MYO7A: variants seen among roughly 807,000 people sequenced by gnomAD.
The protein encoded by MYO7A is unconventional myosin-VIIa.
Under a neutral mutation model 263.8 loss-of-function variants are expected in MYO7A, and 210 were observed. The observed-to-expected ratio is 0.80, with a 90% CI of 0.71 to 0.89. MYO7A has a LOEUF of 0.89. MYO7A is among the 40% of genes least tolerant of loss of function. The pLI, the probability that MYO7A is intolerant of heterozygous loss-of-function variation, is 0.00. For missense variants in MYO7A, 2,820 were observed against 2,968.3 expected (o/e 0.95, Z 1.16); for synonymous variants, 1,239 against 1,197.3 (o/e 1.03, Z -0.72).
chr11:77,179,871 A>G lies in MYO7A; in HGVS notation c.2504A>G (p.His835Arg), dbSNP rs1555082861. Residue 835 changes from histidine to arginine, a missense_variant, in exon 21 of 49, where the codon CAC becomes CGC. His to Arg is a conservative substitution (Grantham distance 29, BLOSUM62 0). Coordinates refer to ENST00000409709, the MANE Select transcript of MYO7A (RefSeq NM_000260.4). ...RAYLVRKAFR[H>R]RLWAVLTVQA... Reference sequence around the variant, plus strand: ...TATCTGGTGCGCAAGGCCTTCCGCCACCGCCTCTGGGCTGTGCTCACCGTG... The same window carrying G: ...TATCTGGTGCGCAAGGCCTTCCGCCGCCGCCTCTGGGCTGTGCTCACCGTG... The G allele has an allele frequency of 1.3e-6, 2 of 1,540,984 alleles. No homozygotes were observed. The highest frequency in any genetic ancestry group is 3.9e-5 in the Admixed American group (2 of 50,996).
Position 77,208,482 on chromosome 11 carries a change from C to T in MYO7A, c.5909C>T (p.Thr1970Ile), listed in dbSNP as rs1224595771. The change falls in exon 43 of 49, where the codon ACA (threonine) becomes ATA (isoleucine). Residue 1970 changes from threonine (T) to isoleucine (I), a missense_variant. Thr to Ile is a moderately conservative substitution (Grantham distance 89). Coordinates refer to ENST00000409709, the MANE Select transcript of MYO7A (RefSeq NM_000260.4). ...TTCTTTGACTTTGTTCGACACTTGA[C>T]AGACTGGATAAAGAAAGCTCGGCCC... ...DFFFDFVRHLTDWIKKARPIK... is the reference protein window; with the variant it reads ...DFFFDFVRHLIDWIKKARPIK... 3.1e-6 allele frequency: 5 copies of T among 1,613,652 alleles called. No individual in the cohort carries two copies. The highest frequency in any genetic ancestry group is 1.1e-5 in the South Asian group (1 of 90,998).
chr11:77,183,994 C>G (rs1955463310), intron 26 of MYO7A, among the ~76,000 whole-genome samples: 1 of 152,116 alleles, frequency 6.6e-6, no homozygotes, highest in Admixed American at 6.5e-5. Context: ...CGAGGGTGTT[C>G]AGTGGTGCTC....
Position 77,172,754 on chromosome 11 carries a change from G to A in MYO7A, c.1804G>A (p.Glu602Lys), listed in dbSNP as rs2276282. 25 of 1,557,382 alleles carry A rather than the reference G, an allele frequency of 1.6e-5. No individual in the cohort carries two copies. Among genetic ancestry groups the A allele is most frequent in the East Asian group, 4.8e-5 (2 of 41,310 alleles). The change falls in exon 16 of 49, where the codon GAG becomes AAG. Residue 602 changes from glutamate (E) to lysine (K), a missense_variant. Glu to Lys is a moderately conservative substitution (Grantham distance 56). Coordinates refer to ENST00000409709, the MANE Select transcript of MYO7A (RefSeq NM_000260.4). The stretch of plus-strand genomic sequence containing the variant: ...CTGCCGTCCGTCCCCCCAGGGCGCC[G>A]AGACCAGGAAGCGCTCGCCCACACT... ...IFQADVAMGA[E>K]TRKRSPTLSS...
At chr11:77,201,685 CCT>C in intron 36 of MYO7A, 47 bp downstream of exon 36, 1 of 1,573,888 alleles carries the variant, frequency 6.4e-7, no homozygotes, top group South Asian at 1.1e-5. Flanking sequence ...CCATTAGACC[CCT>C]CTTTGTCCAC....
rs115215729 is a variant in MYO7A, at chr11:77,183,310, A to T, written c.3375+153A>T. 3.9e-3 allele frequency among the ~76,000 whole-genome samples: 589 copies of T among 151,968 alleles called. 3 individuals carry two copies. The highest frequency in any genetic ancestry group is 0.013 in the African/African-American group (546 of 41,502). On this transcript the variant is annotated intron_variant, in intron 26 of 48. Transcript: ENST00000409709. ...CTTGGCTGGCCAGGGACAGGACAAC[A>T]TGAGTGGGTTGGTGGGCGATCAGGC...
rs876657655 is a variant in MYO7A at position 77,211,162 on chromosome 11, A to G, written c.6062A>G (p.Lys2021Arg). The G allele has an allele frequency of 1.3e-6, 2 of 1,579,118 alleles. No homozygotes were observed. The highest frequency in any genetic ancestry group is 1.2e-5 in the South Asian group (1 of 85,876). Reference protein sequence around the residue: ...SIFHYYQELPKYLRGYHKCTR... With the variant: ...SIFHYYQELPRYLRGYHKCTR... ...CTCTGTCTCTGACAGGAGTTGCCCAAGTATCTCCGAGGCTACCACAAGTGC... is the reference window on the plus strand; with the variant it reads ...CTCTGTCTCTGACAGGAGTTGCCCAGGTATCTCCGAGGCTACCACAAGTGC... Residue 2021 changes from lysine to arginine, a missense_variant, in exon 45 of 49, where the codon AAG (lysine) becomes AGG (arginine). Physicochemically the swap from Lys to Arg is conservative, Grantham distance 26. Coordinates refer to ENST00000409709, the MANE Select transcript of MYO7A (RefSeq NM_000260.4).
At chr11:77,177,746 C>G (rs972351517) in intron 19 of MYO7A, 103 bp downstream of exon 19, 3 of 900,824 alleles carry the variant, frequency 3.3e-6, no homozygotes, top group East Asian at 5.3e-5. Context: ...AGGAAAAAAA[C>G]GTGTTCACCT....
chr11:77,177,551 C>A lies in MYO7A; in HGVS notation c.2190C>A (p.Asp730Glu). The change falls in exon 19 of 49, where the codon GAC becomes GAA. Residue 730 changes from aspartate (D) to glutamate (E), a missense_variant and splice_region_variant. Physicochemically the swap from Asp to Glu is conservative, Grantham distance 45 (BLOSUM62 2). Coordinates refer to ENST00000409709, the MANE Select transcript of MYO7A (RefSeq NM_000260.4). The stretch of plus-strand genomic sequence containing the variant: ...TGCTCAGGAGCTCTGCCTCCTAGGA[C>A]CACCATGACATGCTGCTGGAAGTGG... ...QIGKTKIFLK[D>E]HHDMLLEVER... 1.2e-6 allele frequency: 2 copies of A among 1,609,712 alleles called. No individual in the cohort carries two copies. Among genetic ancestry groups the A allele is most frequent in the Non-Finnish European group, 1.7e-6 (2 of 1,178,398 alleles).
intron 37 of MYO7A, 78 bp downstream of exon 37, chr11:77,202,502 G>A (rs1172871283): frequency 1.5e-5 from 22 of 1,503,256 alleles, no homozygotes; most frequent in Non-Finnish European, 1.9e-5. Flanking sequence ...CGTGTGCTGG[G>A]GCTGCTTTGT....
intron 29 of MYO7A, 41 bp downstream of exon 29, chr11:77,190,180 G>A (rs1195621170): frequency 2.9e-5 from 44 of 1,497,028 alleles, no homozygotes; most frequent in South Asian, 1.2e-4. Flanking sequence ...GCATGTGTGC[G>A]CACGTGTGTA....
At chr11:77,176,147 G>T (rs1443970066) in intron 18 of MYO7A, among the ~76,000 whole-genome samples, 1 of 152,210 alleles carries the variant, frequency 6.6e-6, no homozygotes, top group Non-Finnish European at 1.5e-5. Flanking sequence ...CTCTGGTGTG[G>T]GGGGTGGGGC....
intron 46 of MYO7A, chr11:77,212,219 G>A (rs777553210): frequency 2.3e-5 from 13 of 561,912 alleles, no homozygotes; most frequent in Admixed American, 1.5e-4. Flanking sequence ...GGGAGCCCTC[G>A]CCCAGGTGGC....
At chr11:77,152,868 G>A (rs782127735) in intron 4 of MYO7A, among the ~76,000 whole-genome samples, 10 of 152,128 alleles carry the variant, frequency 6.6e-5, no homozygotes, top group Non-Finnish European at 1.3e-4. Flanking sequence ...TTATCTGGAC[G>A]AAGGGGTAGG....
intron 34 of MYO7A, among the ~76,000 whole-genome samples, chr11:77,199,132 G>C (rs1239868731): frequency 1.3e-5 from 2 of 152,186 alleles, no homozygotes; most frequent in Non-Finnish European, 2.9e-5. Context: ...CAGTGTCTTT[G>C]GGTTGTGTCT....
intron 34 of MYO7A, 47 bp downstream of exon 34, chr11:77,198,668 G>C (rs1460391276): frequency 6.2e-7 from 1 of 1,610,382 alleles, no homozygotes; most frequent in South Asian, 1.1e-5. Context: ...GGGAAGGAGA[G>C]GGGCTGGAGC....
At chr11:77,198,400 T>G in intron 33 of MYO7A, 95 bp from the exon 34 acceptor site, 1 of 1,485,258 alleles carries the variant, frequency 6.7e-7, no homozygotes. Flanking sequence ...AAAATAGAAA[T>G]CAGTGTATTG....
intron 23 of MYO7A, 68 bp from the exon 24 acceptor site, chr11:77,181,883 C>T (rs1245001135): frequency 6.2e-5 from 91 of 1,461,806 alleles, no homozygotes; most frequent in Non-Finnish European, 8.4e-5. Flanking sequence ...CTTCTGGGCT[C>T]AGGCGATCCT....
chr11:77,181,380 G>C lies in MYO7A; in HGVS notation c.2695G>C (p.Glu899Gln). Residue 899 changes from glutamate to glutamine, a missense_variant and splice_region_variant, in exon 23 of 49, where the codon GAG becomes CAG. Glu to Gln is a conservative substitution (Grantham distance 29). Coordinates refer to ENST00000409709, the MANE Select transcript of MYO7A (RefSeq NM_000260.4). ...CTTCTGTGTCACCCCAATTGCCCAG[G>C]AGCGCCTGGCCCAGCTGGCTCGTGA... ...AKEEAERKHQ[E>Q]RLAQLAREDA... is the part of the protein sequence containing the mutation. The C allele has an allele frequency of 6.4e-7, 1 of 1,558,226 alleles. No individual in the cohort carries two copies. Among genetic ancestry groups the C allele is most frequent in the Non-Finnish European group, 8.7e-7 (1 of 1,152,740 alleles).
intron 17 of MYO7A, 124 bp downstream of exon 17, chr11:77,175,038 A>G (rs1591351390): frequency 7.8e-7 from 1 of 1,275,400 alleles, no homozygotes; most frequent in South Asian, 1.5e-5. Context: ...CAGGTGCAGC[A>G]CGGAAAATTG....
Sources: gnomAD v4.1 joint callset for allele counts (sites outside exome capture counted in the v4.1 genomes callset) on GRCh38, gnomAD v4.1.1 for gene constraint, MANE v1.5 for transcripts, NCBI Gene and HGNC (gene_info 2026-07-23, HGNC 2026-07-21) for gene names.